The following PALD1 variants were observed in gnomAD, a reference collection of about 807,000 sequenced individuals.
The protein encoded by PALD1 is phosphatase domain containing paladin 1, also known as paladin.
Under a neutral mutation model 96.0 loss-of-function variants are expected in PALD1, and 57 were observed. That is an observed-to-expected ratio of 0.59 (90% CI 0.48 to 0.74). The LOEUF (loss-of-function observed/expected upper bound fraction) is 0.74. Ranked by LOEUF, PALD1 falls within the 30% of genes least tolerant of loss-of-function variation. The probability of loss-of-function intolerance (pLI) is 0.00; values close to 1 mark genes in which losing one functional copy is unlikely to be tolerated. For missense variants in PALD1, 1,063 were observed against 1,143.7 expected, an observed-to-expected ratio of 0.93 and a Z score of 1.02; for synonymous variants, 464 against 473.6, an observed-to-expected ratio of 0.98 and a Z score of 0.26.
At position 70,566,650 on chromosome 10, in the gene PALD1, G is replaced by T; in HGVS notation, c.2488G>T (p.Asp830Tyr). 6.2e-7 allele frequency: 1 copy of T among 1,609,518 alleles called. No individual in the cohort carries two copies. The highest frequency in any genetic ancestry group is 8.5e-7 in the Non-Finnish European group (1 of 1,178,514). Residue 830 changes from aspartate to tyrosine, a missense_variant, in exon 20 of 20, where the codon GAC becomes TAC. Transcript: ENST00000263563. ...CTTCCCCGAGCTGGAGAGCGGGGAG[G>T]ACCAGCCCTTCTCCAGGCTGCGCTA... ...LGFPELESGE[D>Y]QPFSRLRYRW...
intron 1 of PALD1, among the ~76,000 whole-genome samples, chr10:70,507,750 CGTGTGTGTGTGT>C (rs10579511): frequency 0.051 from 7,657 of 148,714 alleles, 422 homozygotes; most frequent in East Asian, 0.28. Flanking sequence ...TTTGTGTGTG[CGTGTGTGTGTGT>C]GTGTGTGTGT....
intron 18 of PALD1, among the ~76,000 whole-genome samples, chr10:70,557,908 A>AAC (rs952848441): frequency 2.1e-5 from 3 of 142,852 alleles, no homozygotes; most frequent in Admixed American, 7.1e-5. Flanking sequence ...GAAGACCCTG[A>AAC]ACCTGGCCTT....
chr10:70,488,410 C>T (rs931573467), intron 1 of PALD1, among the ~76,000 whole-genome samples: 42 of 152,322 alleles, frequency 2.8e-4, no homozygotes, highest in Non-Finnish European at 5.0e-4. Context: ...CGTAAGCCAC[C>T]ATGCCTGGCC....
At chr10:70,469,516 T>A in the PALD1 span, among the ~76,000 whole-genome samples, 1 of 152,146 alleles carries the variant, frequency 6.6e-6, no homozygotes, top group African/African-American at 2.4e-5. Context: ...ATTATGCTTC[T>A]GAGTTTGCTG....
chr10:70,520,376 C>G (rs1740492176), intron 1 of PALD1, among the ~76,000 whole-genome samples: 1 of 152,188 alleles, frequency 6.6e-6, no homozygotes, highest in Non-Finnish European at 1.5e-5. Flanking sequence ...GTTCATTTCC[C>G]CCAGAACCAT....
chr10:70,524,774 A>T (rs1161397531), intron 1 of PALD1, among the ~76,000 whole-genome samples: 2 of 152,152 alleles, frequency 1.3e-5, no homozygotes, highest in African/African-American at 4.8e-5. Context: ...CTCATTATTT[A>T]TTCAGCAAAT....
Position 70,540,230 on chromosome 10 carries a change from GGT to G in PALD1, c.1908+477_1908+478del, listed in dbSNP as rs1381464257. 6.6e-6 allele frequency among the ~76,000 whole-genome samples: 1 copy of G among 151,368 alleles called. No homozygotes were observed. The highest frequency in any genetic ancestry group is 2.4e-5 in the African/African-American group (1 of 41,124). ...GGGTGAACATGTCCAGGGTGTCCGT[GGT>G]GTGTGTGTCTCAGTTGGGGGACTGT... On this transcript the variant is annotated intron_variant, in intron 15 of 19. Transcript: ENST00000263563. The surrounding 1 kb of genome is among the most constrained non-coding windows in gnomAD (Gnocchi z 4.2).
intron 1 of PALD1, among the ~76,000 whole-genome samples, chr10:70,506,506 C>T (rs1564689508): frequency 6.6e-6 from 1 of 152,198 alleles, no homozygotes; most frequent in South Asian, 2.1e-4. Flanking sequence ...CTGGCACGCT[C>T]TTGGAGTCCA....
chr10:70,547,537 C>T, intron 18 of PALD1, 91 bp downstream of exon 18: 1 of 868,906 alleles, frequency 1.2e-6, no homozygotes, highest in Non-Finnish European at 1.7e-6. Flanking sequence ...TTTGGGGTTG[C>T]TAGGGGTCCT....
At chr10:70,560,807 G>A (rs1294869458) in intron 18 of PALD1, among the ~76,000 whole-genome samples, 2 of 152,110 alleles carry the variant, frequency 1.3e-5, no homozygotes, top group Non-Finnish European at 2.9e-5. Context: ...TTAGGGCTCA[G>A]TCCAATGGAT....
chr10:70,526,269 C>T, intron 2 of PALD1, 133 bp downstream of exon 2: 3 of 695,474 alleles, frequency 4.3e-6, no homozygotes, highest in Non-Finnish European at 2.5e-6. Context: ...GACACTGAGG[C>T]CCAGGGAGAT....
chr10:70,476,265 G>A (rs1012191456), upstream of PALD1, among the ~76,000 whole-genome samples: 3 of 152,210 alleles, frequency 2.0e-5, no homozygotes, highest in African/African-American at 4.8e-5. Context: ...GAGCTGGCTC[G>A]ACTGATTCTT....
upstream of PALD1, among the ~76,000 whole-genome samples, chr10:70,474,380 G>A (rs1405923200): frequency 6.6e-6 from 1 of 152,066 alleles, no homozygotes; most frequent in Non-Finnish European, 1.5e-5. Flanking sequence ...GGCCAACATG[G>A]TTAAACCCTG....
At chr10:70,515,348 T>TATCCCGAATGGCTTACCA (rs1458560022) in intron 1 of PALD1, among the ~76,000 whole-genome samples, 26 of 152,216 alleles carry the variant, frequency 1.7e-4, no homozygotes, top group Non-Finnish European at 3.7e-4. Flanking sequence ...GATGGGAACC[T>TATCCCGAATGGCTTACCA]ATCCCGAATG....
Position 70,567,048 on chromosome 10 carries a change from A to C in PALD1, c.*315A>C. On this transcript the variant is annotated 3_prime_UTR_variant, in exon 20 of 20. Coordinates refer to ENST00000263563, the MANE Select transcript of PALD1 (RefSeq NM_014431.3). Reference sequence around the variant, plus strand: ...CCGGCGTTCAGCCTCCAAGGGGCTCACTCCCCCAGTTGCCAAACACTGTGG... The same window carrying C: ...CCGGCGTTCAGCCTCCAAGGGGCTCCCTCCCCCAGTTGCCAAACACTGTGG... The C allele has an allele frequency of 6.9e-6, 2 of 287,794 alleles. No individual in the cohort carries two copies. Among genetic ancestry groups the C allele is most frequent in the Non-Finnish European group, 1.3e-5 (2 of 155,868 alleles). The allele number at this position is 287,794 out of a possible 1,614,324, so 17.8% of individuals were successfully genotyped here.
chr10:70,509,470 GTTA>G (rs1846469709), intron 1 of PALD1, among the ~76,000 whole-genome samples: 1 of 152,224 alleles, frequency 6.6e-6, no homozygotes, highest in East Asian at 1.9e-4. Context: ...GCTGAATCCT[GTTA>G]GTAGGGCTGC....
chr10:70,517,216 C>T lies in PALD1; in HGVS notation c.-29-8707C>T, dbSNP rs1352951878. Among the ~76,000 whole-genome samples the T allele has an allele frequency of 3.3e-5, 5 of 152,092 alleles. No individual in the cohort carries two copies. The East Asian group carries it at 7.7e-4, about 23-fold the overall frequency. On this transcript the variant is annotated intron_variant, in intron 1 of 19. Coordinates refer to ENST00000263563, the MANE Select transcript of PALD1 (RefSeq NM_014431.3). Reference sequence around the variant, plus strand: ...CCAAGGTTGCACAGCTGATGAATGACGGAGCTCAGTGGGAAGGTGTCACGA... The same window carrying T: ...CCAAGGTTGCACAGCTGATGAATGATGGAGCTCAGTGGGAAGGTGTCACGA...
rs763647689 is a variant in PALD1, at chr10:70,537,872, A to G, written c.1289A>G (p.Tyr430Cys). ...RALWSLERYFYLILFNYYLHE... is the reference protein window; with the variant it reads ...RALWSLERYFCLILFNYYLHE... Reference sequence around the variant, plus strand: ...CTGTGGAGCCTGGAGCGATACTTCTACCTGATCCTGTTTAACTACTACCTT... The same window carrying G: ...CTGTGGAGCCTGGAGCGATACTTCTGCCTGATCCTGTTTAACTACTACCTT... Residue 430 changes from tyrosine to cysteine, a missense_variant, in exon 11 of 20, where the codon TAC becomes TGC. Tyr to Cys is a radical substitution (Grantham distance 194). Transcript: ENST00000263563. 3.1e-5 allele frequency: 50 copies of G among 1,613,614 alleles called. No homozygotes were observed. Among genetic ancestry groups the G allele is most frequent in the Non-Finnish European group, 4.2e-5 (49 of 1,179,710 alleles).
Position 70,533,927 on chromosome 10 carries a change from C to G in PALD1, c.876C>G (p.Thr292=). The change falls in exon 8 of 20, where the codon ACC becomes ACG. Residue 292 remains threonine, a synonymous_variant. Transcript: ENST00000263563. Reference sequence around the variant, plus strand: ...ATCCTCATGGTCTTTCCCAGGAGACCCCCAGCCTGCTGCAGCTCCGTGATG... The same window carrying G: ...ATCCTCATGGTCTTTCCCAGGAGACGCCCAGCCTGCTGCAGCTCCGTGATG... The part of the protein sequence containing the change: ...LDAFVSVLRE[T]PSLLQLRDAH... The G allele has an allele frequency of 1.9e-6, 3 of 1,595,108 alleles. No homozygotes were observed. The highest frequency in any genetic ancestry group is 2.6e-6 in the Non-Finnish European group (3 of 1,169,270).
Sources: allele counts gnomAD v4.1 joint callset (sites outside exome capture counted in the v4.1 genomes callset), GRCh38; gene constraint gnomAD v4.1.1; non-coding constraint Gnocchi (gnomAD v3.1); transcripts MANE v1.5; gene names NCBI Gene and HGNC (gene_info 2026-07-23, HGNC 2026-07-21).